The following WFS1 variants were observed in gnomAD, a reference collection of about 807,000 sequenced individuals.
The protein encoded by WFS1 is wolframin.
In WFS1, 90 loss-of-function variants were observed where a neutral mutation model predicts 68.5. The observed-to-expected ratio is 1.31, with a 90% CI of 1.11 to 1.56. The LOEUF (loss-of-function observed/expected upper bound fraction) is 1.56. Among genes scored for constraint, WFS1 ranks in the 40% most tolerant of loss-of-function variants. WFS1 has a pLI of 0.00. For missense variants in WFS1, 1,767 were observed against 1,232.6 expected, an observed-to-expected ratio of 1.43 and a Z score of -6.49; for synonymous variants, 860 against 540.7, an observed-to-expected ratio of 1.59 and a Z score of -8.19.
chr4:6,295,086 A>G lies in WFS1; in HGVS notation c.758A>G (p.Lys253Arg), dbSNP rs1351077318. 2 of 1,613,474 alleles carry G rather than the reference A, an allele frequency of 1.2e-6. No homozygotes were observed. Among genetic ancestry groups the G allele is most frequent in the East Asian group, 4.5e-5 (2 of 44,890 alleles). The change falls in exon 7 of 8, where the codon AAG becomes AGG. Residue 253 changes from lysine (K) to arginine (R), a missense_variant. Coordinates refer to ENST00000226760, the MANE Select transcript of WFS1 (RefSeq NM_006005.3). ...GATGACTTTGTGGAGATCACTAAGA[A>G]GTACGCCAAGGGCGTCATCCCCAGC... ...ALDDFVEITK[K>R]YAKGVIPSSL...
Position 6,302,110 on chromosome 4 carries a change from G to T in WFS1, c.2315G>T (p.Arg772Leu), listed in dbSNP as rs758646445. ...KHPCHIKKFD[R>L]YKFEITVGMP... ...CCCTGCCACATCAAGAAGTTCGACC[G>T]CTACAAGTTTGAGATTACCGTGGGC... Residue 772 changes from arginine to leucine, a missense_variant, in exon 8 of 8, where the codon CGC (arginine) becomes CTC (leucine). By Grantham distance (102) the Arg-to-Leu change is moderately radical. Coordinates refer to ENST00000226760, the MANE Select transcript of WFS1 (RefSeq NM_006005.3). The T allele has an allele frequency of 3.4e-5, 55 of 1,612,804 alleles. No homozygotes were observed. The highest frequency in any genetic ancestry group is 4.6e-5 in the Non-Finnish European group (54 of 1,180,024).
In WFS1 at chr4:6,295,130, G is replaced by T. The variant is rs752585187; in HGVS notation, c.802G>T (p.Asp268Tyr). 2 of 1,613,172 alleles carry T rather than the reference G, an allele frequency of 1.2e-6. No individual in the cohort carries two copies. The highest frequency in any genetic ancestry group is 3.3e-5 in the Admixed American group (2 of 60,028). ...CCCCAGCAGCCTGTTCCTGCAGGAC[G>T]ACGAAGATGATGACGAGCTGGCGGG... is the stretch of plus-strand genomic sequence containing the variant. ...VIPSSLFLQD[D>Y]EDDDELAGKS... The change falls in exon 7 of 8, where the codon GAC (aspartate) becomes TAC (tyrosine). Residue 268 changes from aspartate to tyrosine, a missense_variant. Transcript: ENST00000226760.
rs1221281593 is a variant in WFS1, at chr4:6,291,997, T to C, written c.712T>C (p.Ser238Pro). 1.1e-5 allele frequency: 18 copies of C among 1,605,826 alleles called. No homozygotes were observed. Among genetic ancestry groups the C allele is most frequent in the Non-Finnish European group, 1.5e-5 (18 of 1,177,462 alleles). The change falls in exon 6 of 8, where the codon TCC (serine) becomes CCC (proline). Residue 238 changes from serine (S) to proline (P), a missense_variant and splice_region_variant. Coordinates refer to ENST00000226760, the MANE Select transcript of WFS1 (RefSeq NM_006005.3). ...GCTGGAGCGCCTGGTCAGCAGCGAG[T>C]GTGAGTGCAGCCCCTGCCCCGTCTC... ...RMLERLVSSESKNYIALDDFV... is the reference protein window; with the variant it reads ...RMLERLVSSEPKNYIALDDFV...
rs1730357507 is a variant in WFS1, at chr4:6,287,847, A to G, written c.315+672A>G. On this transcript the variant is annotated intron_variant, in intron 3 of 7. Transcript: ENST00000226760. This position sits in a 1 kb window ranked among gnomAD's most constrained non-coding sequence, Gnocchi z 6.4. ...CCCTTGCACAGGGCTCAAGCAAGTG[A>G]CCACAGTTATCCTGAGCAGTTTCCT... Among the ~76,000 whole-genome samples the G allele has an allele frequency of 6.6e-6, 1 of 152,142 alleles. No homozygotes were observed. Among genetic ancestry groups the G allele is most frequent in the Non-Finnish European group, 1.5e-5 (1 of 68,036 alleles).
At chr4:6,293,633 G>C (rs374223205) in intron 6 of WFS1, among the ~76,000 whole-genome samples, 1 of 152,158 alleles carries the variant, frequency 6.6e-6, no homozygotes, top group African/African-American at 2.4e-5. Flanking sequence ...CACCAGGCCC[G>C]GGGCCCTTGC....
At position 6,301,696 on chromosome 4, in the gene WFS1, A is replaced by G. The variant is rs104893882; in HGVS notation, c.1901A>G (p.Lys634Arg). The G allele has an allele frequency of 6.8e-6, 11 of 1,613,974 alleles. No homozygotes were observed. Among genetic ancestry groups the G allele is most frequent in the East Asian group, 2.2e-5 (1 of 44,886 alleles). Residue 634 changes from lysine to arginine, a missense_variant, in exon 8 of 8, where the codon AAG (lysine) becomes AGG (arginine). By Grantham distance (26) the Lys-to-Arg change is conservative. Coordinates refer to ENST00000226760, the MANE Select transcript of WFS1 (RefSeq NM_006005.3). ...TCCCTGACGCGGAGCTCCATGGTCA[A>G]GCTCATCCTGGTGTGGCTCACGGCC... ...VKSLTRSSMV[K>R]LILVWLTAIV...
chr4:6,301,245 C>CTTGGCCAGACCT lies in WFS1; in HGVS notation c.1452_1463dup (p.Gly485_Phe488dup). The CTTGGCCAGACCT allele has an allele frequency of 6.2e-7, 1 of 1,611,560 alleles. No homozygotes were observed. Among genetic ancestry groups the CTTGGCCAGACCT allele is most frequent in the Non-Finnish European group, 8.5e-7 (1 of 1,180,028 alleles). On this transcript the variant is annotated inframe_insertion, in exon 8 of 8. Coordinates refer to ENST00000226760, the MANE Select transcript of WFS1 (RefSeq NM_006005.3). ...CTTGAATTGGCCCTACCTGAAGGTC[C>CTTGGCCAGACCT]TTGGCCAGACCTTCATCACCGTGCC...
chr4:6,295,278 G>A (rs1730604492), intron 7 of WFS1, 89 bp downstream of exon 7: 9 of 1,541,300 alleles, frequency 5.8e-6, no homozygotes, highest in Middle Eastern at 4.6e-4. Flanking sequence ...AGCTGCAGGT[G>A]GGGAGGTTCG....
At chr4:6,277,135 G>A (rs989148743) in intron 1 of WFS1, among the ~76,000 whole-genome samples, 2 of 152,372 alleles carry the variant, frequency 1.3e-5, no homozygotes, top group East Asian at 1.9e-4. Context: ...CATCATCCCC[G>A]TTTCTTGGAT....
In WFS1 at chr4:6,301,282, T is replaced by G; in HGVS notation, c.1487T>G (p.Leu496Arg). 17 of 1,611,496 alleles carry G rather than the reference T, an allele frequency of 1.1e-5. No individual in the cohort carries two copies. Among genetic ancestry groups the G allele is most frequent in the African/African-American group, 1.3e-5 (1 of 75,064 alleles). Reference protein sequence around the residue: ...QTFITVPVGHLVVLNVSVPCL... With the variant: ...QTFITVPVGHRVVLNVSVPCL... ...TTCATCACCGTGCCTGTCGGCCACC[T>G]GGTCGTCCTCAACGTCAGCGTCCCG... is the stretch of plus-strand genomic sequence containing the variant. Residue 496 changes from leucine (L) to arginine (R), a missense_variant, in exon 8 of 8, where the codon CTG becomes CGG. Coordinates refer to ENST00000226760, the MANE Select transcript of WFS1 (RefSeq NM_006005.3).
At chr4:6,275,350 G>A (rs1389053727) in intron 1 of WFS1, among the ~76,000 whole-genome samples, 1 of 152,204 alleles carries the variant, frequency 6.6e-6, no homozygotes, top group Non-Finnish European at 1.5e-5. Context: ...GGTTCTGTTT[G>A]CCCACAGCGT....
intron 1 of WFS1, 65 bp from the exon 2 acceptor site, chr4:6,277,386 A>G (rs1031212583): frequency 4.1e-6 from 6 of 1,463,460 alleles, no homozygotes; most frequent in Non-Finnish European, 5.6e-6. Context: ...TGTCTCCAGC[A>G]GACACTAAGT....
chr4:6,279,722 C>T lies in WFS1; in HGVS notation c.232+2035C>T, dbSNP rs377552659. Reference sequence around the variant, plus strand: ...CGGGGGACAACCCACATTGCAGTCCCCTAGGGGCACCCCAGGAGGGCCTGG... The same window carrying T: ...CGGGGGACAACCCACATTGCAGTCCTCTAGGGGCACCCCAGGAGGGCCTGG... On this transcript the variant is annotated intron_variant, in intron 2 of 7. Coordinates refer to ENST00000226760, the MANE Select transcript of WFS1 (RefSeq NM_006005.3). Among the ~76,000 whole-genome samples, 9 of 152,216 alleles carry T rather than the reference C, an allele frequency of 5.9e-5. 1 individual carries two copies. Among genetic ancestry groups the T allele is most frequent in the African/African-American group, 2.2e-4 (9 of 41,524 alleles).
At chr4:6,275,546 C>CG (rs1443203641) in intron 1 of WFS1, among the ~76,000 whole-genome samples, 2 of 136,330 alleles carry the variant, frequency 1.5e-5, no homozygotes, top group Non-Finnish European at 3.1e-5. Flanking sequence ...GGGATGCACC[C>CG]GGGGGTGCTT....
intron 7 of WFS1, among the ~76,000 whole-genome samples, chr4:6,299,732 G>A (rs111064828): frequency 0.56 from 47,614 of 84,866 alleles, 15,724 homozygotes; most frequent in East Asian, 0.91. Flanking sequence ...GTGTGAATGC[G>A]GGTAGGTTGC....
At chr4:6,292,183 C>T (rs962769434) in intron 6 of WFS1, among the ~76,000 whole-genome samples, 186 bp downstream of exon 6, 3 of 152,188 alleles carry the variant, frequency 2.0e-5, no homozygotes, top group Admixed American at 1.3e-4. Flanking sequence ...TCAGGCGGTC[C>T]GTTTGGGGCT....
chr4:6,274,950 G>A (rs1222937707), intron 1 of WFS1, among the ~76,000 whole-genome samples: 2 of 152,164 alleles, frequency 1.3e-5, no homozygotes, highest in East Asian at 3.9e-4. Flanking sequence ...CCTTGAGCAG[G>A]TCCCTCCCCT....
chr4:6,299,308 C>T (rs1386282907), intron 7 of WFS1, among the ~76,000 whole-genome samples: 1 of 152,216 alleles, frequency 6.6e-6, no homozygotes, highest in African/African-American at 2.4e-5. Context: ...TGGTGAAGGC[C>T]AAGAGCTCTT....
In WFS1 at chr4:6,289,096, T is replaced by A; in HGVS notation, c.425T>A (p.Val142Glu). 6.3e-7 allele frequency: 1 copy of A among 1,583,808 alleles called. No homozygotes were observed. The highest frequency in any genetic ancestry group is 1.2e-5 in the South Asian group (1 of 86,486). ...GCGAAGCAGGGCCGTCGCGAGGCTGTGAAGCTGCTTCGCCGGTGCTTGGCG... is the reference window on the plus strand; with the variant it reads ...GCGAAGCAGGGCCGTCGCGAGGCTGAGAAGCTGCTTCGCCGGTGCTTGGCG... ...LAAKQGRREA[V>E]KLLRRCLADR... is the part of the protein sequence containing the mutation. The change falls in exon 4 of 8, where the codon GTG becomes GAG. Residue 142 changes from valine to glutamate, a missense_variant. By Grantham distance (121) the Val-to-Glu change is moderately radical. Transcript: ENST00000226760.
Sources: gnomAD v4.1 joint callset for allele counts (sites outside exome capture counted in the v4.1 genomes callset) on GRCh38, gnomAD v4.1.1 for gene constraint, Gnocchi (gnomAD v3.1) non-coding constraint, MANE v1.5 for transcripts, NCBI Gene and HGNC (gene_info 2026-07-23, HGNC 2026-07-21) for gene names.